RNASEK: variants seen among roughly 807,000 people sequenced by gnomAD.
The protein encoded by RNASEK is ribonuclease K.
In RNASEK, 7 loss-of-function variants were observed where a neutral mutation model predicts 11.2. That is an observed-to-expected ratio of 0.62 (90% CI 0.35 to 1.17). The LOEUF is 1.17. RNASEK is among the 50% of genes most tolerant of loss of function. The pLI is 0.02. For missense variants in RNASEK, 101 were observed against 126.7 expected (o/e 0.80, Z 0.97); for synonymous variants, 46 against 49.5 (o/e 0.93, Z 0.30).
In RNASEK at chr17:7,012,839, T is replaced by C. The variant is rs1909503556; in HGVS notation, c.78+78T>C. Reference sequence around the variant, plus strand: ...GGAGGGCTGGGAGGCGAGGAAACTCTGGGCCGCAGGCAGGCCGGAGGGGCC... The same window carrying C: ...GGAGGGCTGGGAGGCGAGGAAACTCCGGGCCGCAGGCAGGCCGGAGGGGCC... On this transcript the variant is annotated intron_variant, in intron 1 of 2. Transcript: ENST00000593646. The C allele has an allele frequency of 5.8e-6, 8 of 1,381,648 alleles. No individual in the cohort carries two copies. The South Asian group carries it at 8.5e-5, about 15-fold the overall frequency. The allele number at this position is 1,381,648 out of a possible 1,614,324, so 85.6% of individuals were successfully genotyped here.
Position 7,012,756 on chromosome 17 carries a change from A to G in RNASEK, c.73A>G (p.Met25Val). Residue 25 changes from methionine to valine, a missense_variant, in exon 1 of 3, where the codon ATG (methionine) becomes GTG (valine). Coordinates refer to ENST00000593646, the MANE Select transcript of RNASEK (RefSeq NM_001004333.5). ...CGTCCTCAGCGCCTGGGGAGTGATC[A>G]TGTTGGTGAGGGGACTCCCCGGCAA... ...GIVLSAWGVIMLIMLGIFFNV... is the reference protein window; with the variant it reads ...GIVLSAWGVIVLIMLGIFFNV... 1 of 1,612,492 alleles carries G rather than the reference A, an allele frequency of 6.2e-7. No homozygotes were observed. Among genetic ancestry groups the G allele is most frequent in the Non-Finnish European group, 8.5e-7 (1 of 1,179,538 alleles).
At chr17:7,013,277 G>C in intron 1 of RNASEK, 1 of 1,397,210 alleles carries the variant, frequency 7.2e-7, no homozygotes, top group South Asian at 1.4e-5. Context: ...GGAAAAGAGA[G>C]TGCTTGTTCC....
rs1263845332 is a variant in RNASEK, at chr17:7,013,318, G to C, written c.79-348G>C. Reference sequence around the variant, plus strand: ...TGTGTAGCTGGGCCTTGTTTTCCCAGTAATCCACCCACCGCCACTTCAAGA... The same window carrying C: ...TGTGTAGCTGGGCCTTGTTTTCCCACTAATCCACCCACCGCCACTTCAAGA... On this transcript the variant is annotated intron_variant, in intron 1 of 2. Transcript: ENST00000593646. 1.7e-5 allele frequency: 25 copies of C among 1,514,562 alleles called. No individual in the cohort carries two copies. The Admixed American group carries it at 5.0e-4, about 31-fold the overall frequency. 93.8% of individuals were successfully genotyped at this position (1,514,562 alleles called of 1,614,324 possible). A position where few individuals can be genotyped will look rare whatever the true frequency, so the allele number is the denominator to read the frequency against.
Position 7,014,447 on chromosome 17 carries a change from T to C in RNASEK, c.*161T>C. The C allele has an allele frequency of 5.5e-6, 4 of 726,820 alleles. No individual in the cohort carries two copies. In the South Asian group the frequency reaches 7.3e-5, roughly 13 times the overall value. The allele number at this position is 726,820 out of a possible 1,614,324, so 45.0% of individuals were successfully genotyped here. On this transcript the variant is annotated 3_prime_UTR_variant, in exon 3 of 3. Coordinates refer to ENST00000593646, the MANE Select transcript of RNASEK (RefSeq NM_001004333.5). This position sits in a 1 kb window ranked among gnomAD's most constrained non-coding sequence, Gnocchi z 4.5. ...TCCCATCTCTGGCATCCGGCCCCCG[T>C]GGAGAGGGCTGAGGCTGGGGGGCTG...
intron 1 of RNASEK, chr17:7,013,315 C>T: frequency 1.3e-6 from 2 of 1,510,208 alleles, no homozygotes; most frequent in Non-Finnish European, 1.8e-6. Flanking sequence ...CCTTGTTTTC[C>T]CAGTAATCCA....
In RNASEK at chr17:7,013,471, G is replaced by A. The variant is rs750886723; in HGVS notation, c.79-195G>A. On this transcript the variant is annotated intron_variant, in intron 1 of 2. Transcript: ENST00000593646. ...TGGCTTGGTCACTATTCCCACCCTTGCCTCGACCACTTGTCTCAATGTCAC... is the reference window on the plus strand; with the variant it reads ...TGGCTTGGTCACTATTCCCACCCTTACCTCGACCACTTGTCTCAATGTCAC... 4 of 1,544,680 alleles carry A rather than the reference G, an allele frequency of 2.6e-6. No individual in the cohort carries two copies. In the South Asian group the frequency reaches 3.5e-5, roughly 13 times the overall value.
At chr17:7,013,576 T>G in intron 1 of RNASEK, 90 bp from the exon 2 acceptor site, 1 of 1,605,132 alleles carries the variant, frequency 6.2e-7, no homozygotes, top group East Asian at 2.2e-5. Flanking sequence ...GGCTCGGGTG[T>G]TGTAGCAACA....
chr17:7,014,206 G>A lies in RNASEK; in HGVS notation c.217G>A (p.Ala73Thr), dbSNP rs1436894317. Residue 73 changes from alanine (A) to threonine (T), a missense_variant, in exon 3 of 3, where the codon GCA (alanine) becomes ACA (threonine). Ala to Thr is a moderately conservative substitution (Grantham distance 58, BLOSUM62 0). Transcript: ENST00000593646. This position sits in a 1 kb window ranked among gnomAD's most constrained non-coding sequence, Gnocchi z 4.5. ...AGTCAGCTACAACTGTTTCATCGCT[G>A]CAGGCCTTTACCTCCTCCTCGGAGG... ...EQVSYNCFIA[A>T]GLYLLLGGFS... is the part of the protein sequence containing the mutation. 6.2e-7 allele frequency: 1 copy of A among 1,605,368 alleles called. No homozygotes were observed. The highest frequency in any genetic ancestry group is 8.5e-7 in the Non-Finnish European group (1 of 1,175,878).
intron 1 of RNASEK, chr17:7,013,157 G>T: frequency 1.9e-6 from 1 of 522,550 alleles, no homozygotes; most frequent in Non-Finnish European, 3.4e-6. Flanking sequence ...CTGGAGCGGA[G>T]GGCCCTGGAG....
In RNASEK at chr17:7,014,357, G is replaced by A. The variant is rs1473867021; in HGVS notation, c.*71G>A. The A allele has an allele frequency of 6.5e-7, 1 of 1,544,730 alleles. No individual in the cohort carries two copies. On this transcript the variant is annotated 3_prime_UTR_variant, in exon 3 of 3. Coordinates refer to ENST00000593646, the MANE Select transcript of RNASEK (RefSeq NM_001004333.5). The surrounding 1 kb of genome is among the most constrained non-coding windows in gnomAD (Gnocchi z 4.5). ...CTCCCTGCACCGTGTCACCCAGGTC[G>A]CGTCCCACCCTTGCCGGCGCCCTCT... is the stretch of plus-strand genomic sequence containing the variant.
rs1303222068 is a variant in RNASEK, at chr17:7,012,989, G to A, written c.78+228G>A. On this transcript the variant is annotated intron_variant, in intron 1 of 2. Coordinates refer to ENST00000593646, the MANE Select transcript of RNASEK (RefSeq NM_001004333.5). ...AAAATACAAAAATTAGCCGGGCGTG[G>A]TGGCGCCCGCCTGTAATCCCAGCTA... 5 of 547,916 alleles carry A rather than the reference G, an allele frequency of 9.1e-6. No homozygotes were observed. In the East Asian group the frequency reaches 1.3e-4, roughly 14 times the overall value. The allele number at this position is 547,916 out of a possible 1,614,324, so 33.9% of individuals were successfully genotyped here. A position where few individuals can be genotyped will look rare whatever the true frequency, so the allele number is the denominator to read the frequency against.
chr17:7,014,275 A>T lies in RNASEK; in HGVS notation c.286A>T (p.Met96Leu). The T allele has an allele frequency of 6.2e-7, 1 of 1,613,800 alleles. No homozygotes were observed. Among genetic ancestry groups the T allele is most frequent in the Non-Finnish European group, 8.5e-7 (1 of 1,179,846 alleles). Residue 96 changes from methionine to leucine, a missense_variant, in exon 3 of 3, where the codon ATG becomes TTG. Transcript: ENST00000593646. This position sits in a 1 kb window ranked among gnomAD's most constrained non-coding sequence, Gnocchi z 4.5. ...QVRLNKRKEY[M>L]VR is the part of the protein sequence containing the mutation. ...TCGGCTCAATAAGCGCAAGGAATAC[A>T]TGGTGCGCTAGGGCCCCGGCGCGTT...
At chr17:7,013,953 G>A (rs1441924215) in intron 2 of RNASEK, 192 bp from the exon 3 acceptor site, 1 of 691,398 alleles carries the variant, frequency 1.4e-6, no homozygotes, top group Non-Finnish European at 2.5e-6. Flanking sequence ...ACCTCTTTAG[G>A]TATTTTACTT....
Position 7,014,018 on chromosome 17 carries a change from A to G in RNASEK, c.156-127A>G. On this transcript the variant is annotated intron_variant, in intron 2 of 2. Coordinates refer to ENST00000593646, the MANE Select transcript of RNASEK (RefSeq NM_001004333.5). This position sits in a 1 kb window ranked among gnomAD's most constrained non-coding sequence, Gnocchi z 4.5. ...ATGGCTATGACAGATCTCACCCCAT[A>G]GGATGGTCAAGAAGATTGAATAAAG... The G allele has an allele frequency of 2.2e-6, 2 of 909,946 alleles. No homozygotes were observed. Among genetic ancestry groups the G allele is most frequent in the Admixed American group, 2.3e-5 (1 of 43,458 alleles). 56.4% of individuals were successfully genotyped at this position (909,946 alleles called of 1,614,324 possible). A position where few individuals can be genotyped will look rare whatever the true frequency, so the allele number is the denominator to read the frequency against.
At position 7,014,227 on chromosome 17, in the gene RNASEK, G is replaced by C; in HGVS notation, c.238G>C (p.Gly80Arg). 1 of 1,612,234 alleles carries C rather than the reference G, an allele frequency of 6.2e-7. No individual in the cohort carries two copies. Among genetic ancestry groups the C allele is most frequent in the Non-Finnish European group, 8.5e-7 (1 of 1,179,226 alleles). Residue 80 changes from glycine to arginine, a missense_variant, in exon 3 of 3, where the codon GGA becomes CGA. Coordinates refer to ENST00000593646, the MANE Select transcript of RNASEK (RefSeq NM_001004333.5). The surrounding 1 kb of genome is among the most constrained non-coding windows in gnomAD (Gnocchi z 4.5). Reference protein sequence around the residue: ...FIAAGLYLLLGGFSFCQVRLN... With the variant: ...FIAAGLYLLLRGFSFCQVRLN... ...CGCTGCAGGCCTTTACCTCCTCCTC[G>C]GAGGCTTCTCTTTCTGCCAAGTTCG...
rs1349379923 is a variant in RNASEK at position 7,013,652 on chromosome 17, T to C, written c.79-14T>C. ...GTGCCTGAATTCAACAGTCTACCCA[T>C]TCCCCTTTTCCAGATAATGCTCGGA... On this transcript the variant is annotated splice_polypyrimidine_tract_variant and intron_variant, in intron 1 of 2. Transcript: ENST00000593646. 5.6e-6 allele frequency: 9 copies of C among 1,611,116 alleles called. No individual in the cohort carries two copies. Among genetic ancestry groups the C allele is most frequent in the Non-Finnish European group, 6.8e-6 (8 of 1,177,338 alleles).
intron 1 of RNASEK, chr17:7,013,296 G>A: frequency 6.8e-7 from 1 of 1,480,034 alleles, no homozygotes; most frequent in South Asian, 1.3e-5. Flanking sequence ...CCAGAAATGT[G>A]TAGCTGGGCC....
intron 2 of RNASEK, 106 bp downstream of exon 2, chr17:7,013,848 A>C: frequency 1.1e-6 from 1 of 942,922 alleles, no homozygotes; most frequent in East Asian, 2.4e-5. Flanking sequence ...CCTAGGTTAG[A>C]GGACTTGGAG....
intron 1 of RNASEK, 46 bp downstream of exon 1, chr17:7,012,807 C>CGGCCTGGGA (rs766791687): frequency 1.3e-6 from 2 of 1,565,146 alleles, no homozygotes; most frequent in African/African-American, 2.7e-5. Flanking sequence ...TGAGGGGCTC[C>CGGCCTGGGA]GGGCTGGGAG....
Sources: gnomAD v4.1 joint callset for allele counts on GRCh38, gnomAD v4.1.1 for gene constraint, Gnocchi (gnomAD v3.1) non-coding constraint, MANE v1.5 for transcripts, NCBI Gene and HGNC (gene_info 2026-07-23, HGNC 2026-07-21) for gene names.